Variants in NLRX1 observed in about 807,000 individuals in gnomAD.
NLRX1 encodes NOD-like receptor X1.
Under a neutral mutation model 74.2 loss-of-function variants are expected in NLRX1, and 67 were observed. That is an observed-to-expected ratio of 0.90 (90% CI 0.74 to 1.11). The LOEUF (loss-of-function observed/expected upper bound fraction) is 1.11. Ranked by LOEUF, NLRX1 falls within the 50% of genes least tolerant of loss-of-function variation. The pLI, the probability that NLRX1 is intolerant of heterozygous loss-of-function variation, is 0.00. For missense variants in NLRX1, 1,191 were observed against 1,305.4 expected (o/e 0.91, Z 1.35); for synonymous variants, 506 against 559.1 (o/e 0.91, Z 1.34).
chr11:119,180,390 AC>A, intron 7 of NLRX1, 102 bp downstream of exon 7: 4 of 944,054 alleles, frequency 4.2e-6, no homozygotes, highest in Non-Finnish European at 6.1e-6. Context: ...CCGATGAGTG[AC>A]CAGAAGGTGG....
chr11:119,181,384 C>G, intron 8 of NLRX1, 127 bp downstream of exon 8: 1 of 692,120 alleles, frequency 1.4e-6, no homozygotes, highest in Non-Finnish European at 2.6e-6. Flanking sequence ...AGGCCCTGAC[C>G]TGTCCCCTCC....
chr11:119,180,158 T>C lies in NLRX1; in HGVS notation c.2137T>C (p.Cys713Arg). 3 of 1,613,414 alleles carry C rather than the reference T, an allele frequency of 1.9e-6. No individual in the cohort carries two copies. Among genetic ancestry groups the C allele is most frequent in the Non-Finnish European group, 2.5e-6 (3 of 1,179,624 alleles). ...AGGTGTGCGCATGACACCAGTCAAG[T>C]GCACAGTGGTGGCAGCTGTGCTGGG... ...LAGVRMTPVK[C>R]TVVAAVLGSG... Residue 713 changes from cysteine to arginine, a missense_variant, in exon 7 of 10, where the codon TGC becomes CGC. Coordinates refer to ENST00000409109, the MANE Select transcript of NLRX1 (RefSeq NM_001282144.2).
chr11:119,178,526 T>C (rs1371845911), intron 6 of NLRX1, among the ~76,000 whole-genome samples: 1 of 152,094 alleles, frequency 6.6e-6, no homozygotes, highest in East Asian at 1.9e-4. Flanking sequence ...TTACAGCAAA[T>C]GCCTGGGAAG....
At position 119,175,220 on chromosome 11, in the gene NLRX1, C is replaced by G; in HGVS notation, c.1617C>G (p.Ile539Met). The change falls in exon 6 of 10, where the codon ATC (isoleucine) becomes ATG (methionine). Residue 539 changes from isoleucine to methionine, a missense_variant. By Grantham distance (10) the Ile-to-Met change is conservative. Coordinates refer to ENST00000409109, the MANE Select transcript of NLRX1 (RefSeq NM_001282144.2). ...VGEDVSLVLG[I>M]MAKLLPLRAL... ...AGGACGTCAGCCTGGTACTGGGCAT[C>G]ATGGCCAAGCTGCTGCCTCTGCGGG... 6.2e-7 allele frequency: 1 copy of G among 1,614,194 alleles called. No homozygotes were observed. Among genetic ancestry groups the G allele is most frequent in the Non-Finnish European group, 8.5e-7 (1 of 1,180,046 alleles).
rs1163877188 is a variant in NLRX1, at chr11:119,172,954, G to T, written c.194G>T (p.Arg65Met). 17 of 1,613,936 alleles carry T rather than the reference G, an allele frequency of 1.1e-5. No homozygotes were observed. The highest frequency in any genetic ancestry group is 1.4e-5 in the Non-Finnish European group (17 of 1,179,970). Reference protein sequence around the residue: ...SSVDSAPPPGRHGRLFPSASA... With the variant: ...SSVDSAPPPGMHGRLFPSASA... ...GTAGATAGCGCTCCCCCACCCGGGA[G>T]GCATGGACGGCTGTTCCCCAGCGCC... Residue 65 changes from arginine to methionine, a missense_variant, in exon 4 of 10, where the codon AGG becomes ATG. Coordinates refer to ENST00000409109, the MANE Select transcript of NLRX1 (RefSeq NM_001282144.2).
intron 5 of NLRX1, among the ~76,000 whole-genome samples, 167 bp from the exon 6 acceptor site, chr11:119,174,286 A>G (rs1389324228): frequency 6.6e-6 from 1 of 152,230 alleles, no homozygotes; most frequent in Non-Finnish European, 1.5e-5. Flanking sequence ...ATATAATATT[A>G]GCACAGCGGC....
rs767438743 is a variant in NLRX1, at chr11:119,181,136, T to C, written c.2268-35T>C. 8 of 1,497,002 alleles carry C rather than the reference T, an allele frequency of 5.3e-6. No individual in the cohort carries two copies. The East Asian group carries it at 1.8e-4, about 34-fold the overall frequency. 92.7% of individuals were successfully genotyped at this position (1,497,002 alleles called of 1,614,324 possible). ...ACTGCCTGCTGAATTCCCTCCCTGG[T>C]CTCTCACCTCCCCTCTGGCCACCTT... On this transcript the variant is annotated intron_variant, in intron 7 of 9. Coordinates refer to ENST00000409109, the MANE Select transcript of NLRX1 (RefSeq NM_001282144.2).
rs1167501759 is a variant in NLRX1, at chr11:119,174,519, T to C, written c.916T>C (p.Tyr306His). ...TATCCCCAGCAAGTACGTGGGCCGC[T>C]ATGGTGAGATCTGCGGTTTCTCTGA... Reference protein sequence around the residue: ...GRIPSKYVGRYGEICGFSDTN... With the variant: ...GRIPSKYVGRHGEICGFSDTN... Residue 306 changes from tyrosine (Y) to histidine (H), a missense_variant, in exon 6 of 10, where the codon TAT (tyrosine) becomes CAT (histidine). Physicochemically the swap from Tyr to His is moderately conservative, Grantham distance 83. Coordinates refer to ENST00000409109, the MANE Select transcript of NLRX1 (RefSeq NM_001282144.2). 1 of 1,614,190 alleles carries C rather than the reference T, an allele frequency of 6.2e-7. No homozygotes were observed. Among genetic ancestry groups the C allele is most frequent in the African/African-American group, 1.3e-5 (1 of 75,068 alleles).
chr11:119,171,312 G>A, intron 1 of NLRX1, 44 bp from the exon 2 acceptor site: 1 of 1,402,468 alleles, frequency 7.1e-7, no homozygotes. Flanking sequence ...GGGGTGCAGG[G>A]GAGGAGTGGT....
chr11:119,170,297 C>T (rs1244617782), intron 1 of NLRX1, among the ~76,000 whole-genome samples: 1 of 152,004 alleles, frequency 6.6e-6, no homozygotes, highest in African/African-American at 2.4e-5. Flanking sequence ...AGATCGGGTC[C>T]AATAAATGCT....
chr11:119,177,720 C>G (rs1216638113), intron 6 of NLRX1: 1 of 152,162 alleles, frequency 6.6e-6, no homozygotes, highest in Non-Finnish European at 1.5e-5. Flanking sequence ...GAGGTCACAG[C>G]TGCTGCTGAG....
chr11:119,179,132 G>A (rs1227613276), intron 6 of NLRX1, among the ~76,000 whole-genome samples: 1 of 152,238 alleles, frequency 6.6e-6, no homozygotes, highest in East Asian at 1.9e-4. Context: ...TAAAGCAGTA[G>A]GAACTGCATG....
intron 1 of NLRX1, 80 bp downstream of exon 1, chr11:119,169,382 G>A (rs908285356): frequency 1.3e-5 from 2 of 152,462 alleles, no homozygotes; most frequent in East Asian, 1.9e-4. Context: ...CCTCGGCCCC[G>A]CAAGTCCCGT....
At chr11:119,171,255 T>C in intron 1 of NLRX1, 101 bp from the exon 2 acceptor site, 1 of 724,672 alleles carries the variant, frequency 1.4e-6, no homozygotes. Flanking sequence ...GAGGAAGGGC[T>C]GATCCTCTCC....
intron 6 of NLRX1, among the ~76,000 whole-genome samples, chr11:119,177,242 C>T (rs1267079155): frequency 1.3e-5 from 2 of 151,640 alleles, no homozygotes; most frequent in South Asian, 2.1e-4. Context: ...CCACCATGCC[C>T]GGCTTATTTT....
chr11:119,177,600 C>T (rs1210871810), intron 6 of NLRX1, among the ~76,000 whole-genome samples: 1 of 150,714 alleles, frequency 6.6e-6, no homozygotes, highest in African/African-American at 2.4e-5. Context: ...TGTACTCCAG[C>T]CTGGGTGACA....
At position 119,172,988 on chromosome 11, in the gene NLRX1, T is replaced by A; in HGVS notation, c.228T>A (p.Thr76=). 1 of 1,612,446 alleles carries A rather than the reference T, an allele frequency of 6.2e-7. No individual in the cohort carries two copies. Among genetic ancestry groups the A allele is most frequent in the Non-Finnish European group, 8.5e-7 (1 of 1,178,870 alleles). ...GGCTGTTCCCCAGCGCCTCTGCAACTGGTAAAGGGACTGGCTGGGACCCTG... is the reference window on the plus strand; with the variant it reads ...GGCTGTTCCCCAGCGCCTCTGCAACAGGTAAAGGGACTGGCTGGGACCCTG... ...HGRLFPSASA[T]EAIQRHRRNL... The change falls in exon 4 of 10, where the codon ACT becomes ACA. Residue 76 remains threonine (T), a splice_region_variant and synonymous_variant. Transcript: ENST00000409109.
Position 119,171,779 on chromosome 11 carries a change from G to A in NLRX1, c.70+306G>A, listed in dbSNP as rs539581471. 5.9e-5 allele frequency among the ~76,000 whole-genome samples: 9 copies of A among 151,438 alleles called. No homozygotes were observed. The South Asian group carries it at 1.9e-3, about 32-fold the overall frequency. On this transcript the variant is annotated intron_variant, in intron 2 of 9. Transcript: ENST00000409109. ...CAGCCTGGCAACATGGTGAAACCCT[G>A]TCTCTATTAAAACTACAAAAAAAAA...
rs370153455 is a variant in NLRX1 at position 119,169,319 on chromosome 11, G to GC, written c.-49+22dup. 86 of 152,764 alleles carry GC rather than the reference G, an allele frequency of 5.6e-4. 1 individual carries two copies. In the East Asian group the frequency reaches 0.012, roughly 22 times the overall value. 9.5% of individuals were successfully genotyped at this position (152,764 alleles called of 1,614,324 possible). The stretch of plus-strand genomic sequence containing the variant: ...ACCGCCCCTGTACGTTTCCTGCAGT[G>GC]CCCCCTCCTTTTCTCATTGCCCTGG... On this transcript the variant is annotated intron_variant, in intron 1 of 9. Coordinates refer to ENST00000409109, the MANE Select transcript of NLRX1 (RefSeq NM_001282144.2).
Sources: allele counts gnomAD v4.1 joint callset (sites outside exome capture counted in the v4.1 genomes callset), GRCh38; gene constraint gnomAD v4.1.1; transcripts MANE v1.5; gene names NCBI Gene and HGNC (gene_info 2026-07-23, HGNC 2026-07-21).